The following KCNJ3 variants were observed in gnomAD, a reference collection of about 807,000 sequenced individuals.
KCNJ3 encodes the protein G protein-activated inward rectifier potassium channel 1.
KCNJ3 carries 4 observed loss-of-function variants against 39.2 expected under a neutral mutation model. That is an observed-to-expected ratio of 0.10 (90% CI 0.05 to 0.23). The LOEUF (loss-of-function observed/expected upper bound fraction) is 0.23, where lower values mean the gene tolerates loss of function less well. Among genes scored for constraint, KCNJ3 ranks in the 10% least tolerant of loss-of-function variants. The probability of loss-of-function intolerance (pLI) is 1.00; values close to 1 mark genes in which losing one functional copy is unlikely to be tolerated. For synonymous variants in KCNJ3, 230 were observed against 237.4 expected (o/e 0.97, Z 0.29); for missense variants, 276 against 634.9 (o/e 0.43, Z 6.08).
chr2:154,780,562 G>A (rs1296770003), intron 2 of KCNJ3, among the ~76,000 whole-genome samples: 1 of 151,910 alleles, frequency 6.6e-6, no homozygotes, highest in Non-Finnish European at 1.5e-5. Flanking sequence ...CAGAGAAGAG[G>A]AACCTAGTTA....
At chr2:154,845,796 C>A (rs942603592) in intron 2 of KCNJ3, among the ~76,000 whole-genome samples, 1 of 151,934 alleles carries the variant, frequency 6.6e-6, no homozygotes, top group Non-Finnish European at 1.5e-5. Flanking sequence ...TATGGTGAAA[C>A]CCTTTCTCTA....
chr2:154,740,985 T>C (rs80336448), intron 2 of KCNJ3, among the ~76,000 whole-genome samples: 5,781 of 152,078 alleles, frequency 0.038, 182 homozygotes, highest in Non-Finnish European at 0.052. Flanking sequence ...GAGAATCTTA[T>C]AACTGGAATT....
chr2:154,814,499 T>G (rs1169552521), intron 2 of KCNJ3, among the ~76,000 whole-genome samples: 2 of 151,976 alleles, frequency 1.3e-5, no homozygotes, highest in Non-Finnish European at 2.9e-5. Flanking sequence ...TACCCTGGTG[T>G]GGTGGCAGGA....
intron 2 of KCNJ3, among the ~76,000 whole-genome samples, chr2:154,802,771 TAGC>T (rs1435176731): frequency 1.3e-5 from 2 of 152,170 alleles, no homozygotes; most frequent in East Asian, 1.9e-4. Flanking sequence ...GTGAGATACA[TAGC>T]AGCACAGCCA....
intron 2 of KCNJ3, among the ~76,000 whole-genome samples, chr2:154,819,570 C>A (rs1308488384): frequency 6.6e-6 from 1 of 151,682 alleles, no homozygotes; most frequent in Non-Finnish European, 1.5e-5. Context: ...CTTGTTTTGT[C>A]ACCAGGCTGG....
chr2:154,768,508 G>A (rs1234701587), intron 2 of KCNJ3, among the ~76,000 whole-genome samples: 1 of 152,082 alleles, frequency 6.6e-6, no homozygotes. Context: ...GATGTGTGGT[G>A]TTATTTCTGA....
At chr2:154,811,504 G>A (rs1164215105) in intron 2 of KCNJ3, among the ~76,000 whole-genome samples, 1 of 152,106 alleles carries the variant, frequency 6.6e-6, no homozygotes, top group Non-Finnish European at 1.5e-5. Flanking sequence ...ATGTTGGCCA[G>A]GCTGGTCTCG....
At chr2:154,768,051 A>C (rs1686167186) in intron 2 of KCNJ3, among the ~76,000 whole-genome samples, 1 of 151,846 alleles carries the variant, frequency 6.6e-6, no homozygotes. Flanking sequence ...TTTTCTTGTA[A>C]ATTTGTTTAA....
intron 2 of KCNJ3, among the ~76,000 whole-genome samples, chr2:154,854,257 A>G (rs1281238963): frequency 6.6e-6 from 1 of 152,164 alleles, no homozygotes; most frequent in Non-Finnish European, 1.5e-5. Context: ...GGTATTGTTG[A>G]CAGTGCTTTA....
At chr2:154,737,224 C>T (rs185805903) in intron 2 of KCNJ3, among the ~76,000 whole-genome samples, 209 of 152,230 alleles carry the variant, frequency 1.4e-3, no homozygotes, top group Admixed American at 3.9e-3. Context: ...GTGTAGAATA[C>T]GCAGGCAGGT....
At chr2:154,816,609 C>T (rs183995775) in intron 2 of KCNJ3, among the ~76,000 whole-genome samples, 25 of 152,254 alleles carry the variant, frequency 1.6e-4, no homozygotes, top group African/African-American at 5.8e-4. Context: ...GTGTTTAATA[C>T]ATACAAATAA....
intron 2 of KCNJ3, among the ~76,000 whole-genome samples, chr2:154,768,871 G>A (rs1232291808): frequency 6.6e-6 from 1 of 152,114 alleles, no homozygotes; most frequent in Admixed American, 6.5e-5. Flanking sequence ...CTTGAGCAGT[G>A]GTTTGTAGTT....
chr2:154,800,130 C>T (rs560799209), intron 2 of KCNJ3, among the ~76,000 whole-genome samples: 39 of 152,240 alleles, frequency 2.6e-4, no homozygotes, highest in African/African-American at 9.4e-4. Flanking sequence ...ACAAGATGTA[C>T]ATGTTGGTCC....
intron 1 of KCNJ3, among the ~76,000 whole-genome samples, chr2:154,706,580 A>G (rs969561704): frequency 1.3e-5 from 2 of 152,138 alleles, no homozygotes; most frequent in Non-Finnish European, 2.9e-5. Flanking sequence ...AGTTCCTTGA[A>G]CAAACATTCA....
At chr2:154,743,664 T>A (rs1385369743) in intron 2 of KCNJ3, among the ~76,000 whole-genome samples, 7 of 151,702 alleles carry the variant, frequency 4.6e-5, no homozygotes, top group Non-Finnish European at 8.9e-5. Context: ...CTGATTTTTT[T>A]AATGTTTATC....
Position 154,698,699 on chromosome 2 carries a change from C to CCCT in KCNJ3, c.-76_-75insCTC. On this transcript the variant is annotated 5_prime_UTR_variant, in exon 1 of 3. Coordinates refer to ENST00000295101, the MANE Select transcript of KCNJ3 (RefSeq NM_002239.4). The stretch of plus-strand genomic sequence containing the variant: ...CCCCTTTCCTCCCCCGCCCCCACCT[C>CCCT]CTTATTGGTGCTAGTTTGCAGCGCC... 1.3e-6 allele frequency: 1 copy of CCCT among 749,448 alleles called. No homozygotes were observed. The highest frequency in any genetic ancestry group is 2.3e-6 in the Non-Finnish European group (1 of 440,340). 46.4% of individuals were successfully genotyped at this position (749,448 alleles called of 1,614,324 possible).
chr2:154,804,900 T>C (rs572982862), intron 2 of KCNJ3, among the ~76,000 whole-genome samples: 1 of 152,252 alleles, frequency 6.6e-6, no homozygotes, highest in South Asian at 2.1e-4. Context: ...TATTATTACA[T>C]CATTTGAGTT....
At chr2:154,769,683 G>A (rs1165038787) in intron 2 of KCNJ3, among the ~76,000 whole-genome samples, 1 of 152,006 alleles carries the variant, frequency 6.6e-6, no homozygotes, top group East Asian at 1.9e-4. Flanking sequence ...TTTGGTATCA[G>A]GATGATGCTG....
chr2:154,825,367 T>TA (rs996191869), intron 2 of KCNJ3, among the ~76,000 whole-genome samples: 1 of 152,160 alleles, frequency 6.6e-6, no homozygotes. Flanking sequence ...AGTGGGAATC[T>TA]AACCTGTTTT....
Sources: gnomAD v4.1 joint callset for allele counts (sites outside exome capture counted in the v4.1 genomes callset) on GRCh38, gnomAD v4.1.1 for gene constraint, MANE v1.5 for transcripts, NCBI Gene and HGNC (gene_info 2026-07-23, HGNC 2026-07-21) for gene names.